Variants in MACROD2 observed in about 807,000 individuals in gnomAD.
MACROD2 encodes mono-ADP ribosylhydrolase 2, also known as ADP-ribose glycohydrolase MACROD2.
MACROD2 carries 36 observed loss-of-function variants against 70.4 expected under a neutral mutation model. That is an observed-to-expected ratio of 0.51 (90% CI 0.39 to 0.68). The LOEUF is 0.68. MACROD2 is among the 30% of genes least tolerant of loss of function. The pLI, the probability that MACROD2 is intolerant of heterozygous loss-of-function variation, is 0.00. For missense variants in MACROD2, 496 were observed against 538.4 expected (o/e 0.92, Z 0.78); for synonymous variants, 172 against 178.8 (o/e 0.96, Z 0.30).
chr20:14,026,623 G>C (rs897245464), intron 2 of MACROD2, among the ~76,000 whole-genome samples: 2 of 152,192 alleles, frequency 1.3e-5, no homozygotes, highest in African/African-American at 4.8e-5. Context: ...GGCTGGATAT[G>C]AAATTCCAGG....
intron 5 of MACROD2, among the ~76,000 whole-genome samples, chr20:14,872,025 G>C (rs973346347): frequency 2.0e-5 from 3 of 152,056 alleles, no homozygotes; most frequent in African/African-American, 7.2e-5. Flanking sequence ...CATAAAGCAA[G>C]TTCTTAGAGA....
chr20:16,004,596 C>T (rs934224566), intron 15 of MACROD2, among the ~76,000 whole-genome samples: 1 of 152,230 alleles, frequency 6.6e-6, no homozygotes, highest in South Asian at 2.1e-4. Flanking sequence ...ATCAGCAGCT[C>T]TCTCACACTA....
At chr20:14,150,478 T>G (rs996016653) in intron 3 of MACROD2, among the ~76,000 whole-genome samples, 5 of 152,212 alleles carry the variant, frequency 3.3e-5, no homozygotes, top group African/African-American at 1.2e-4. Context: ...CATTTACTTT[T>G]GGAATTATTA....
chr20:15,289,611 A>C lies in MACROD2; in HGVS notation c.540+59550A>C, dbSNP rs539732893. On this transcript the variant is annotated intron_variant, in intron 6 of 17. Coordinates refer to ENST00000684519, the MANE Select transcript of MACROD2 (RefSeq NM_001351661.2). The stretch of plus-strand genomic sequence containing the variant: ...GAGCTAAACAGGTCATCAGAGGTAG[A>C]TCTTGAAAAGCCCTTCATGTGATCA... 2.0e-5 allele frequency among the ~76,000 whole-genome samples: 3 copies of C among 152,326 alleles called. No individual in the cohort carries two copies. In the South Asian group the frequency reaches 6.2e-4, roughly 32 times the overall value.
intron 8 of MACROD2, among the ~76,000 whole-genome samples, chr20:15,795,114 C>A (rs2063661357): frequency 6.6e-6 from 1 of 151,910 alleles, no homozygotes; most frequent in Non-Finnish European, 1.5e-5. Context: ...GTGAATAGTG[C>A]CCCCAGGGAG....
At chr20:15,103,779 T>A (rs1407484875) in intron 5 of MACROD2, among the ~76,000 whole-genome samples, 1 of 152,096 alleles carries the variant, frequency 6.6e-6, no homozygotes, top group Non-Finnish European at 1.5e-5. Flanking sequence ...CCCTCTCTGA[T>A]CAGACGACAT....
chr20:15,309,712 AATATT>A (rs754411522), intron 6 of MACROD2, among the ~76,000 whole-genome samples: 3 of 152,174 alleles, frequency 2.0e-5, no homozygotes, highest in Non-Finnish European at 2.9e-5. Context: ...AGACAAATAA[AATATT>A]ATAATATTCT....
intron 8 of MACROD2, among the ~76,000 whole-genome samples, chr20:15,800,539 TCCTTTC>T (rs2063714614): frequency 6.6e-6 from 1 of 152,214 alleles, no homozygotes; most frequent in African/African-American, 2.4e-5. Context: ...AAAGAGGATG[TCCTTTC>T]CCCAATGTAT....
intron 8 of MACROD2, among the ~76,000 whole-genome samples, chr20:15,643,532 TC>T (rs2049494212): frequency 6.7e-6 from 1 of 149,354 alleles, no homozygotes; most frequent in African/African-American, 2.5e-5. Context: ...GTCATCAGTC[TC>T]TTTTATGGAA....
intron 3 of MACROD2, among the ~76,000 whole-genome samples, chr20:14,460,278 C>T (rs971102639): frequency 1.3e-5 from 2 of 152,102 alleles, no homozygotes; most frequent in African/African-American, 2.4e-5. Flanking sequence ...ATTTCTGGTT[C>T]TAGATCCTTG....
chr20:14,496,220 C>A (rs1350691547), intron 4 of MACROD2, among the ~76,000 whole-genome samples: 3 of 152,024 alleles, frequency 2.0e-5, no homozygotes, highest in African/African-American at 7.2e-5. Context: ...AATTAAAATC[C>A]CTTCAAAGGT....
chr20:15,864,357 G>A (rs1217898422), intron 9 of MACROD2, among the ~76,000 whole-genome samples: 13 of 152,076 alleles, frequency 8.5e-5, no homozygotes. Context: ...GACTTGCCAT[G>A]ATGTGTGAAG....
intron 3 of MACROD2, among the ~76,000 whole-genome samples, chr20:14,105,687 C>T (rs1357091944): frequency 6.6e-6 from 1 of 152,156 alleles, no homozygotes; most frequent in Non-Finnish European, 1.5e-5. Context: ...TAAGGGAGTG[C>T]ACCATCCCTC....
intron 8 of MACROD2, among the ~76,000 whole-genome samples, chr20:15,666,370 G>C (rs2049897803): frequency 6.6e-6 from 1 of 152,120 alleles, no homozygotes; most frequent in African/African-American, 2.4e-5. Context: ...CTTTAGCTCA[G>C]CTTTACCCTT....
At chr20:15,464,206 G>C (rs1184061145) in intron 7 of MACROD2, among the ~76,000 whole-genome samples, 1 of 152,016 alleles carries the variant, frequency 6.6e-6, no homozygotes, top group Non-Finnish European at 1.5e-5. Context: ...GTAGAGATGG[G>C]GTTCTCCCTG....
intron 4 of MACROD2, among the ~76,000 whole-genome samples, chr20:14,593,593 A>G (rs911225237): frequency 2.0e-5 from 3 of 152,212 alleles, no homozygotes; most frequent in African/African-American, 7.2e-5. Flanking sequence ...AAAAGAAAAC[A>G]AAGTATATGA....
At chr20:15,077,845 G>A (rs1240934238) in intron 5 of MACROD2, among the ~76,000 whole-genome samples, 1 of 152,108 alleles carries the variant, frequency 6.6e-6, no homozygotes, top group Admixed American at 6.5e-5. Context: ...ATAGCAGGGA[G>A]CCCACTGCAG....
intron 1 of MACROD2, among the ~76,000 whole-genome samples, chr20:13,996,098 C>G (rs1277796966): frequency 6.6e-6 from 1 of 152,190 alleles, no homozygotes; most frequent in South Asian, 2.1e-4. Flanking sequence ...GCGTTCGCCT[C>G]GCTTGCGGCG....
At chr20:14,808,290 A>C (rs757374457) in intron 5 of MACROD2, among the ~76,000 whole-genome samples, 1 of 152,146 alleles carries the variant, frequency 6.6e-6, no homozygotes, top group South Asian at 2.1e-4. Context: ...CAAAATTTTT[A>C]AAGAAAATAA....
Sources: gnomAD v4.1 joint callset for allele counts (sites outside exome capture counted in the v4.1 genomes callset) on GRCh38, gnomAD v4.1.1 for gene constraint, MANE v1.5 for transcripts, NCBI Gene and HGNC (gene_info 2026-07-23, HGNC 2026-07-21) for gene names.